MSX1: variants seen among roughly 807,000 people sequenced by gnomAD.
MSX1 encodes the protein homeobox protein MSX-1.
In MSX1, 11 loss-of-function variants were observed where a neutral mutation model predicts 17.0. That is an observed-to-expected ratio of 0.65 (90% CI 0.41 to 1.07). The LOEUF (loss-of-function observed/expected upper bound fraction) is 1.07. Among genes scored for constraint, MSX1 ranks in the 50% least tolerant of loss-of-function variants. The pLI, the probability that MSX1 is intolerant of heterozygous loss-of-function variation, is 0.00. For missense variants in MSX1, 477 were observed against 440.1 expected (o/e 1.08, Z -0.75); for synonymous variants, 253 against 211.8 (o/e 1.19, Z -1.69).
intron 1 of MSX1, 139 bp downstream of exon 1, chr4:4,860,507 G>A: frequency 9.2e-7 from 1 of 1,089,004 alleles, no homozygotes; most frequent in Non-Finnish European, 1.3e-6. Context: ...GCAAGGCCGG[G>A]TCTTGCGCCT....
In MSX1 at chr4:4,860,600, A is replaced by T. The variant is rs3111690; in HGVS notation, c.469+232A>T. ...CTGCGGGTGGGAGTTAACGGATAGG[A>T]CACCGATGTCTGGGCACCCTGTCCT... On this transcript the variant is annotated intron_variant, in intron 1 of 1. Coordinates refer to ENST00000382723, the MANE Select transcript of MSX1 (RefSeq NM_002448.3). Among the ~76,000 whole-genome samples, 65,594 of 151,954 alleles carry T rather than the reference A, an allele frequency of 0.43. 15,395 individuals are homozygous for T. Among genetic ancestry groups the T allele is most frequent in the East Asian group, 0.68 (3,469 of 5,134 alleles).
At position 4,859,829 on chromosome 4, in the gene MSX1, C is replaced by A. The variant is rs1359229323; in HGVS notation, c.-71C>A. On this transcript the variant is annotated 5_prime_UTR_variant, in exon 1 of 2. Transcript: ENST00000382723. ...CGGGCGCTCGCAGAGGCCGGCCGCG[C>A]TCCCAGCCCGCCCGGAGCCCATGCC... is the stretch of plus-strand genomic sequence containing the variant. 2 of 1,340,778 alleles carry A rather than the reference C, an allele frequency of 1.5e-6. No homozygotes were observed. The highest frequency in any genetic ancestry group is 3.3e-5 in the East Asian group (1 of 30,684). The allele number at this position is 1,340,778 out of a possible 1,614,324, so 83.1% of individuals were successfully genotyped here.
chr4:4,860,745 G>A (rs1238850561), intron 1 of MSX1, among the ~76,000 whole-genome samples: 1 of 152,230 alleles, frequency 6.6e-6, no homozygotes, highest in Non-Finnish European at 1.5e-5. Context: ...TGCACCCGGA[G>A]TTTCACTTTC....
rs1737950794 is a variant in MSX1, at chr4:4,862,929, C to T, written c.698C>T (p.Ala233Val). The change falls in exon 2 of 2, where the codon GCA (alanine) becomes GTA (valine). Residue 233 changes from alanine to valine, a missense_variant. This residue lies in a region of MSX1 where 114 missense variants were observed against 106.3 expected (regional missense o/e 1.07). Transcript: ENST00000382723. The part of the protein sequence containing the change: ...RRAKAKRLQE[A>V]ELEKLKMAAK... ...GCCAAGGCAAAGAGACTACAAGAGG[C>T]AGAGCTGGAGAAGCTGAAGATGGCC... 3 of 1,613,458 alleles carry T rather than the reference C, an allele frequency of 1.9e-6. No homozygotes were observed. Among genetic ancestry groups the T allele is most frequent in the African/African-American group, 1.3e-5 (1 of 75,076 alleles).
Position 4,860,053 on chromosome 4 carries a change from C to A in MSX1, c.154C>A (p.Pro52Thr). 1 of 1,518,184 alleles carries A rather than the reference C, an allele frequency of 6.6e-7. No homozygotes were observed. Among genetic ancestry groups the A allele is most frequent in the South Asian group, 1.2e-5 (1 of 80,724 alleles). 94.0% of individuals were successfully genotyped at this position (1,518,184 alleles called of 1,614,324 possible). The change falls in exon 1 of 2, where the codon CCC becomes ACC. Residue 52 changes from proline (P) to threonine (T), a missense_variant. Transcript: ENST00000382723. ...GGGCGCGGACGAGGAGGGGGCCAAG[C>A]CCAAAGTGTCCCCTTCGCTCCTGCC... ...AMGADEEGAKPKVSPSLLPFS... is the reference protein window; with the variant it reads ...AMGADEEGAKTKVSPSLLPFS...
rs1062592 is a variant in MSX1 at position 4,860,129 on chromosome 4, A to G, written c.230A>G (p.Glu77Gly). ...MADHRKPGAK[E>G]SALAPSEGVQ... ...GACCACAGGAAGCCGGGGGCCAAGG[A>G]GAGCGCCCTGGCGCCCTCCGAGGGC... Residue 77 changes from glutamate to glycine, a missense_variant, in exon 1 of 2, where the codon GAG (glutamate) becomes GGG (glycine). Physicochemically the swap from Glu to Gly is moderately conservative, Grantham distance 98 (BLOSUM62 -2). Coordinates refer to ENST00000382723, the MANE Select transcript of MSX1 (RefSeq NM_002448.3). 2 of 1,514,208 alleles carry G rather than the reference A, an allele frequency of 1.3e-6. No homozygotes were observed. Among genetic ancestry groups the G allele is most frequent in the Non-Finnish European group, 1.8e-6 (2 of 1,136,410 alleles). The allele number at this position is 1,514,208 out of a possible 1,614,324, so 93.8% of individuals were successfully genotyped here.
At chr4:4,861,031 C>T (rs900132592) in intron 1 of MSX1, among the ~76,000 whole-genome samples, 4 of 152,246 alleles carry the variant, frequency 2.6e-5, no homozygotes, top group African/African-American at 7.2e-5. Context: ...ACTCCAGGTG[C>T]CCAAGGCGGT....
Position 4,863,575 on chromosome 4 carries a change from AAAAAAAAAAAAAAG to A in MSX1, c.*437_*450del, listed in dbSNP as rs1737978889. ...CTCAAAAAAAAAAAAAAAAAAAAAA[AAAAAAAAAAAAAAG>A]AAAAGAGAAAAAAAAGACTAGCCAG... On this transcript the variant is annotated 3_prime_UTR_variant, in exon 2 of 2. Coordinates refer to ENST00000382723, the MANE Select transcript of MSX1 (RefSeq NM_002448.3). 1.3e-5 allele frequency: 2 copies of A among 150,380 alleles called. No homozygotes were observed. Among genetic ancestry groups the A allele is most frequent in the Admixed American group, 6.7e-5 (1 of 14,934 alleles). 9.3% of individuals were successfully genotyped at this position (150,380 alleles called of 1,614,324 possible).
Position 4,860,008 on chromosome 4 carries a change from G to A in MSX1, c.109G>A (p.Ala37Thr), listed in dbSNP as rs1276975452. The change falls in exon 1 of 2, where the codon GCG (alanine) becomes ACG (threonine). Residue 37 changes from alanine to threonine, a missense_variant. Ala to Thr is a moderately conservative substitution (Grantham distance 58). This residue lies in a region of MSX1 where 355 missense variants were observed against 306.1 expected (regional missense o/e 1.16). Transcript: ENST00000382723. ...CGCGGGCCAGGCCCCCAGCGCCGCC[G>A]CGGCCACGGCAGCCGCCATGGGCGC... is the stretch of plus-strand genomic sequence containing the variant. The part of the protein sequence containing the change: ...GGAGQAPSAA[A>T]ATAAAMGADE... 2.0e-6 allele frequency: 3 copies of A among 1,497,360 alleles called. No individual in the cohort carries two copies. The highest frequency in any genetic ancestry group is 2.7e-6 in the Non-Finnish European group (3 of 1,124,742). The allele number at this position is 1,497,360 out of a possible 1,614,324, so 92.8% of individuals were successfully genotyped here. A position where few individuals can be genotyped will look rare whatever the true frequency, so the allele number is the denominator to read the frequency against.
At chr4:4,862,413 C>G (rs2108778420) in intron 1 of MSX1, 1 of 618,790 alleles carries the variant, frequency 1.6e-6, no homozygotes, top group East Asian at 3.1e-5. Flanking sequence ...TCACATCTTC[C>G]CAGCTGTTTA....
At position 4,860,412 on chromosome 4, in the gene MSX1, G is replaced by A. The variant is rs1332714411; in HGVS notation, c.469+44G>A. ...GGCGCAGAGGGAGGGGGCCGGGTGG[G>A]GGCCGGGTGGGGTGTGGGACCCGAG... On this transcript the variant is annotated intron_variant, in intron 1 of 1. Coordinates refer to ENST00000382723, the MANE Select transcript of MSX1 (RefSeq NM_002448.3). 1.2e-5 allele frequency: 18 copies of A among 1,540,656 alleles called. 1 individual carries two copies. The highest frequency in any genetic ancestry group is 9.8e-5 in the East Asian group (4 of 40,894).
Position 4,859,984 on chromosome 4 carries a change from G to A in MSX1, c.85G>A (p.Ala29Thr). 2 of 1,488,148 alleles carry A rather than the reference G, an allele frequency of 1.3e-6. No homozygotes were observed. Among genetic ancestry groups the A allele is most frequent in the Non-Finnish European group, 1.8e-6 (2 of 1,119,900 alleles). 92.2% of individuals were successfully genotyped at this position (1,488,148 alleles called of 1,614,324 possible). The change falls in exon 1 of 2, where the codon GCG (alanine) becomes ACG (threonine). Residue 29 changes from alanine (A) to threonine (T), a missense_variant. Coordinates refer to ENST00000382723, the MANE Select transcript of MSX1 (RefSeq NM_002448.3). Reference protein sequence around the residue: ...SAFGKPAGGGAGQAPSAAAAT... With the variant: ...SAFGKPAGGGTGQAPSAAAAT... ...CTTCGGCAAGCCGGCGGGGGGAGGC[G>A]CGGGCCAGGCCCCCAGCGCCGCCGC...
In MSX1 at chr4:4,860,190, C is replaced by A; in HGVS notation, c.291C>A (p.Gly97=). Residue 97 remains glycine (G), a synonymous_variant, in exon 1 of 2, where the codon GGC becomes GGA. Coordinates refer to ENST00000382723, the MANE Select transcript of MSX1 (RefSeq NM_002448.3). ...QAAGGSAQPL[G]VPPGSLGAPD... is the part of the protein sequence containing the mutation. Reference sequence around the variant, plus strand: ...CGGGTGGCTCGGCGCAGCCACTGGGCGTCCCGCCGGGGTCGCTGGGAGCCC... The same window carrying A: ...CGGGTGGCTCGGCGCAGCCACTGGGAGTCCCGCCGGGGTCGCTGGGAGCCC... The A allele has an allele frequency of 4.6e-6, 7 of 1,516,906 alleles. No individual in the cohort carries two copies. The highest frequency in any genetic ancestry group is 4.4e-6 in the Non-Finnish European group (5 of 1,139,032). 94.0% of individuals were successfully genotyped at this position (1,516,906 alleles called of 1,614,324 possible). A position where few individuals can be genotyped will look rare whatever the true frequency, so the allele number is the denominator to read the frequency against.
chr4:4,862,161 G>A (rs995928562), intron 1 of MSX1, among the ~76,000 whole-genome samples: 2 of 152,228 alleles, frequency 1.3e-5, no homozygotes, highest in African/African-American at 4.8e-5. Flanking sequence ...GTGTTCCGGG[G>A]AAAGTGTAGA....
In MSX1 at chr4:4,860,089, G is replaced by C; in HGVS notation, c.190G>C (p.Glu64Gln). 1 of 1,522,048 alleles carries C rather than the reference G, an allele frequency of 6.6e-7. No individual in the cohort carries two copies. Among genetic ancestry groups the C allele is most frequent in the Non-Finnish European group, 8.8e-7 (1 of 1,137,442 alleles). 94.3% of individuals were successfully genotyped at this position (1,522,048 alleles called of 1,614,324 possible). Residue 64 changes from glutamate (E) to glutamine (Q), a missense_variant, in exon 1 of 2, where the codon GAG becomes CAG. Physicochemically the swap from Glu to Gln is conservative, Grantham distance 29 (BLOSUM62 2). This residue lies in a region of MSX1 where 355 missense variants were observed against 306.1 expected (regional missense o/e 1.16). Coordinates refer to ENST00000382723, the MANE Select transcript of MSX1 (RefSeq NM_002448.3). ...CCCTTCGCTCCTGCCCTTCAGCGTG[G>C]AGGCGCTCATGGCCGACCACAGGAA... Reference protein sequence around the residue: ...VSPSLLPFSVEALMADHRKPG... With the variant: ...VSPSLLPFSVQALMADHRKPG...
rs2108778619 is a variant in MSX1 at position 4,862,805 on chromosome 4, C to T, written c.574C>T (p.Arg192Cys). 6.2e-7 allele frequency: 1 copy of T among 1,613,668 alleles called. No individual in the cohort carries two copies. Among genetic ancestry groups the T allele is most frequent in the East Asian group, 2.2e-5 (1 of 44,888 alleles). The change falls in exon 2 of 2, where the codon CGC (arginine) becomes TGC (cysteine). Residue 192 changes from arginine (R) to cysteine (C), a missense_variant. By Grantham distance (180) the Arg-to-Cys change is radical. This residue lies in a region of MSX1 where 355 missense variants were observed against 306.1 expected (regional missense o/e 1.16). Transcript: ENST00000382723. ...GCTGCTGGCGCTGGAGCGCAAGTTC[C>T]GCCAGAAGCAGTACCTGTCCATCGC... is the stretch of plus-strand genomic sequence containing the variant. ...AQLLALERKF[R>C]QKQYLSIAER...
In MSX1 at chr4:4,859,855, C is replaced by G. The variant is rs1449406314; in HGVS notation, c.-45C>G. 6 of 1,422,498 alleles carry G rather than the reference C, an allele frequency of 4.2e-6. No homozygotes were observed. Among genetic ancestry groups the G allele is most frequent in the South Asian group, 1.5e-5 (1 of 66,206 alleles). The allele number at this position is 1,422,498 out of a possible 1,614,324, so 88.1% of individuals were successfully genotyped here. On this transcript the variant is annotated 5_prime_UTR_variant, in exon 1 of 2. Transcript: ENST00000382723. Reference sequence around the variant, plus strand: ...TCCCAGCCCGCCCGGAGCCCATGCCCGGCGGCTGGCCAGTGCTGCGGCAGA... The same window carrying G: ...TCCCAGCCCGCCCGGAGCCCATGCCGGGCGGCTGGCCAGTGCTGCGGCAGA...
Position 4,862,792 on chromosome 4 carries a change from G to A in MSX1, c.561G>A (p.Leu187=), listed in dbSNP as rs149960650. ...TCACCACCGCGCAGCTGCTGGCGCTGGAGCGCAAGTTCCGCCAGAAGCAGT... is the reference window on the plus strand; with the variant it reads ...TCACCACCGCGCAGCTGCTGGCGCTAGAGCGCAAGTTCCGCCAGAAGCAGT... ...TPFTTAQLLA[L]ERKFRQKQYL... The change falls in exon 2 of 2, where the codon CTG becomes CTA. Residue 187 remains leucine, a synonymous_variant. Coordinates refer to ENST00000382723, the MANE Select transcript of MSX1 (RefSeq NM_002448.3). 7.3e-3 allele frequency: 11,738 copies of A among 1,613,562 alleles called. 45 individuals carry two copies. Among genetic ancestry groups the A allele is most frequent in the Non-Finnish European group, 8.7e-3 (10,296 of 1,179,994 alleles).
Position 4,863,211 on chromosome 4 carries a change from C to A in MSX1, c.*68C>A. On this transcript the variant is annotated 3_prime_UTR_variant, in exon 2 of 2. Transcript: ENST00000382723. ...GCCCTGGTGCTGTACCCCCGACGTGCTCCCCTGCTCGGCACCGCCAGCCGC... is the reference window on the plus strand; with the variant it reads ...GCCCTGGTGCTGTACCCCCGACGTGATCCCCTGCTCGGCACCGCCAGCCGC... The A allele has an allele frequency of 6.7e-7, 1 of 1,491,082 alleles. No individual in the cohort carries two copies. Among genetic ancestry groups the A allele is most frequent in the Non-Finnish European group, 9.0e-7 (1 of 1,105,986 alleles). The allele number at this position is 1,491,082 out of a possible 1,614,324, so 92.4% of individuals were successfully genotyped here. A position where few individuals can be genotyped will look rare whatever the true frequency, so the allele number is the denominator to read the frequency against.
Sources: gnomAD v4.1 joint callset for allele counts (sites outside exome capture counted in the v4.1 genomes callset) on GRCh38, gnomAD v4.1.1 for gene constraint, gnomAD v4.1.1 regional missense constraint, MANE v1.5 for transcripts, NCBI Gene and HGNC (gene_info 2026-07-23, HGNC 2026-07-21) for gene names.